The following STPG4 variants were observed in gnomAD, a reference collection of about 807,000 sequenced individuals.
The protein encoded by STPG4 is sperm-tail PG-rich repeat containing 4, also known as protein STPG4.
Under a neutral mutation model 31.5 loss-of-function variants are expected in STPG4, and 41 were observed. The observed-to-expected ratio is 1.30, with a 90% CI of 1.01 to 1.69. The LOEUF is 1.69. Ranked by LOEUF, STPG4 falls within the 40% of genes most tolerant of loss-of-function variation. The pLI, the probability that STPG4 is intolerant of heterozygous loss-of-function variation, is 0.00. For synonymous variants in STPG4, 141 were observed against 103.0 expected, an observed-to-expected ratio of 1.37 and a Z score of -2.24; for missense variants, 375 against 293.4, an observed-to-expected ratio of 1.28 and a Z score of -2.03.
At chr2:47,089,587 G>A (rs1316482181) in intron 6 of STPG4, among the ~76,000 whole-genome samples, 1 of 151,872 alleles carries the variant, frequency 6.6e-6, no homozygotes, top group Admixed American at 6.6e-5. Context: ...CAAGTCTTGG[G>A]GACTTTCAGA....
At chr2:47,121,013 C>G (rs1573174932) in intron 5 of STPG4, 1 of 152,640 alleles carries the variant, frequency 6.6e-6, no homozygotes, top group African/African-American at 2.4e-5. Flanking sequence ...AGTAGCTGAC[C>G]TGGCAGTGTA....
intron 5 of STPG4, among the ~76,000 whole-genome samples, chr2:47,115,703 A>C (rs1686136599): frequency 7.9e-6 from 1 of 126,224 alleles, no homozygotes; most frequent in African/African-American, 3.0e-5. Context: ...CCCAGGCTGG[A>C]GTGCAATGAC....
chr2:47,103,123 C>T (rs543618155), intron 5 of STPG4, among the ~76,000 whole-genome samples: 29 of 151,882 alleles, frequency 1.9e-4, no homozygotes, highest in Non-Finnish European at 4.0e-4. Flanking sequence ...CCCACTGGGA[C>T]CTTGACTCAT....
intron 5 of STPG4, among the ~76,000 whole-genome samples, chr2:47,125,360 G>A (rs1686345024): frequency 6.6e-6 from 1 of 152,182 alleles, no homozygotes. Context: ...GGTCGAGGCT[G>A]CAGTGAGCTG....
intron 5 of STPG4, among the ~76,000 whole-genome samples, chr2:47,125,713 T>A (rs1017425922): frequency 7.7e-6 from 1 of 129,534 alleles, no homozygotes; most frequent in African/African-American, 2.9e-5. Context: ...TAGTTTGAGG[T>A]CTTAGATTTA....
chr2:47,123,068 C>T (rs374837160), intron 5 of STPG4, among the ~76,000 whole-genome samples: 1 of 152,280 alleles, frequency 6.6e-6, no homozygotes, highest in African/African-American at 2.4e-5. Flanking sequence ...TCAAATGATG[C>T]GCCTGCCTCA....
At position 47,087,043 on chromosome 2, in the gene STPG4, G is replaced by C; in HGVS notation, c.712C>G (p.Leu238Val). The C allele has an allele frequency of 6.4e-7, 1 of 1,551,768 alleles. No individual in the cohort carries two copies. Among genetic ancestry groups the C allele is most frequent in the Non-Finnish European group, 8.7e-7 (1 of 1,146,998 alleles). ...AGCCAATTGTTGTTGTTGAAGAAAAGGCTATGCTCTTGGCCCATTTTGGCT... is the reference window on the plus strand; with the variant it reads ...AGCCAATTGTTGTTGTTGAAGAAAACGCTATGCTCTTGGCCCATTTTGGCT... ...TIAKMGQEHS[L>V]FFNNNNWLLK The change falls in exon 7 of 7, where the codon CTT becomes GTT. Residue 238 changes from leucine (L) to valine (V), a missense_variant. Leu to Val is a conservative substitution (Grantham distance 32). Transcript: ENST00000445927.
intron 5 of STPG4, among the ~76,000 whole-genome samples, chr2:47,101,896 A>G (rs1325509549): frequency 2.0e-5 from 3 of 151,734 alleles, no homozygotes; most frequent in Non-Finnish European, 4.4e-5. Context: ...TAAAGTCCCA[A>G]CACTAACAGG....
At chr2:47,111,260 C>T (rs912809891) in intron 5 of STPG4, among the ~76,000 whole-genome samples, 1 of 152,136 alleles carries the variant, frequency 6.6e-6, no homozygotes, top group Admixed American at 6.5e-5. Flanking sequence ...AATCTTCTCA[C>T]TCTTCTTTAT....
chr2:47,129,721 T>C (rs1686434943), intron 5 of STPG4: 1 of 513,112 alleles, frequency 1.9e-6, no homozygotes, highest in Admixed American at 3.9e-5. Flanking sequence ...AGTGCCTCTT[T>C]CCTTGATACA....
At chr2:47,096,206 A>C (rs543966484) in intron 5 of STPG4, among the ~76,000 whole-genome samples, 29 of 152,306 alleles carry the variant, frequency 1.9e-4, no homozygotes, top group East Asian at 3.9e-4. Context: ...AAAAATAAAT[A>C]AATCAATCAA....
At chr2:47,134,459 C>T (rs1165395568) in intron 3 of STPG4, among the ~76,000 whole-genome samples, 1 of 152,224 alleles carries the variant, frequency 6.6e-6, no homozygotes, top group African/African-American at 2.4e-5. Flanking sequence ...ATACCATATG[C>T]AGCCTTTTCA....
chr2:47,108,103 G>A (rs556385035), intron 5 of STPG4, among the ~76,000 whole-genome samples: 1 of 151,536 alleles, frequency 6.6e-6, no homozygotes, highest in Non-Finnish European at 1.5e-5. Flanking sequence ...TCAACACTCT[G>A]TATCTAGTTA....
intron 3 of STPG4, among the ~76,000 whole-genome samples, chr2:47,146,682 A>T (rs1686827001): frequency 6.6e-6 from 1 of 152,202 alleles, no homozygotes; most frequent in African/African-American, 2.4e-5. Context: ...CTTGAGTGAG[A>T]CTGGATGAGA....
intron 5 of STPG4, among the ~76,000 whole-genome samples, chr2:47,116,234 T>C (rs1397141727): frequency 2.0e-5 from 3 of 152,186 alleles, no homozygotes; most frequent in Non-Finnish European, 4.4e-5. Flanking sequence ...AGGTGTGGAC[T>C]TTAAGAGGTG....
chr2:47,113,316 C>T (rs1290719563), intron 5 of STPG4, among the ~76,000 whole-genome samples: 1 of 152,076 alleles, frequency 6.6e-6, no homozygotes, highest in African/African-American at 2.4e-5. Context: ...AAAACTTCAA[C>T]AAATATAAGT....
At chr2:47,094,125 C>T (rs946448577) in intron 5 of STPG4, among the ~76,000 whole-genome samples, 1 of 152,230 alleles carries the variant, frequency 6.6e-6, no homozygotes, top group Non-Finnish European at 1.5e-5. Context: ...TTGGGTCTCA[C>T]ATTGTGTATG....
At position 47,090,019 on chromosome 2, in the gene STPG4, C is replaced by T. The variant is rs145476201; in HGVS notation, c.624+251G>A. 2.4e-3 allele frequency among the ~76,000 whole-genome samples: 367 copies of T among 152,302 alleles called. 1 individual carries two copies. The highest frequency in any genetic ancestry group is 8.4e-3 in the African/African-American group (347 of 41,556). The stretch of plus-strand genomic sequence containing the variant: ...TGATTAATGTGCTGCTTCCAACTGG[C>T]CCCATAATTCAGCCACAGATTTTGG... On this transcript the variant is annotated intron_variant, in intron 6 of 6. Transcript: ENST00000445927.
intron 3 of STPG4, among the ~76,000 whole-genome samples, chr2:47,145,403 C>G (rs1041120000): frequency 6.6e-6 from 1 of 152,200 alleles, no homozygotes; most frequent in Admixed American, 6.5e-5. Context: ...AAACCCGTCC[C>G]TGAGAGATTA....
Sources: gnomAD v4.1 joint callset for allele counts (sites outside exome capture counted in the v4.1 genomes callset) on GRCh38, gnomAD v4.1.1 for gene constraint, MANE v1.5 for transcripts, NCBI Gene and HGNC (gene_info 2026-07-23, HGNC 2026-07-21) for gene names.